MRPS10: variants seen among roughly 807,000 people sequenced by gnomAD.
The protein encoded by MRPS10 is mitochondrial ribosomal protein S10.
A neutral mutation model predicts 27.5 loss-of-function variants in MRPS10; 23 were observed. The ratio of observed to expected loss-of-function variants is 0.84; its 90% CI spans 0.60 to 1.18. The LOEUF is 1.18. Among genes scored for constraint, MRPS10 ranks in the 50% most tolerant of loss-of-function variants. The pLI is 0.00. For missense variants in MRPS10, 237 were observed against 240.1 expected, an observed-to-expected ratio of 0.99 and a Z score of 0.09; for synonymous variants, 88 against 84.2, an observed-to-expected ratio of 1.04 and a Z score of -0.25.
chr6:42,211,928 A>G lies in MRPS10; in HGVS notation c.187-11T>C. ...ATCAGAGATTGTTACCTAAAATCCA[A>G]AAGAAAAGTTTCAGTTTTAGTTCCT... On this transcript the variant is annotated splice_polypyrimidine_tract_variant and intron_variant, in intron 3 of 6. Transcript: ENST00000053468. 1 of 1,601,996 alleles carries G rather than the reference A, an allele frequency of 6.2e-7. No homozygotes were observed. Among genetic ancestry groups the G allele is most frequent in the Non-Finnish European group, 8.5e-7 (1 of 1,176,854 alleles).
At chr6:42,214,856 G>A (rs1443963574) in intron 1 of MRPS10, among the ~76,000 whole-genome samples, 1 of 152,094 alleles carries the variant, frequency 6.6e-6, no homozygotes, top group Non-Finnish European at 1.5e-5. Flanking sequence ...AGCTTATAAT[G>A]AACTGAAATA....
intron 4 of MRPS10, 36 bp from the exon 5 acceptor site, chr6:42,210,632 A>G: frequency 6.4e-7 from 1 of 1,563,594 alleles, no homozygotes; most frequent in Non-Finnish European, 8.7e-7. Context: ...CTGAGTCACT[A>G]TGATAACAAA....
intron 1 of MRPS10, among the ~76,000 whole-genome samples, chr6:42,215,359 C>CAAGAAAAAAAAAAAA (rs1768896006): frequency 1.4e-5 from 1 of 73,270 alleles, no homozygotes; most frequent in African/African-American, 5.7e-5. Context: ...GACTCCCTCT[C>CAAGAAAAAAAAAAAA]AAAAAAAAAA....
chr6:42,211,419 G>A (rs150485401), intron 4 of MRPS10, among the ~76,000 whole-genome samples: 557 of 151,632 alleles, frequency 3.7e-3, no homozygotes, highest in Non-Finnish European at 5.1e-3. Context: ...AGTGGCTCAC[G>A]CCTGTAATCC....
intron 3 of MRPS10, 87 bp from the exon 4 acceptor site, chr6:42,212,004 T>A (rs1448454098): frequency 2.4e-6 from 3 of 1,247,478 alleles, no homozygotes; most frequent in African/African-American, 3.0e-5. Flanking sequence ...TTGAACAACT[T>A]CAGAGTTTAC....
In MRPS10 at chr6:42,208,248, C is replaced by A; in HGVS notation, c.*41G>T. On this transcript the variant is annotated 3_prime_UTR_variant, in exon 7 of 7. Coordinates refer to ENST00000053468, the MANE Select transcript of MRPS10 (RefSeq NM_018141.4). ...CACTTAAACATACTCATCTGGCCCACCCTCATTTCAAATTTAGGCAAAAAT... is the reference window on the plus strand; with the variant it reads ...CACTTAAACATACTCATCTGGCCCAACCTCATTTCAAATTTAGGCAAAAAT... 1 of 1,436,310 alleles carries A rather than the reference C, an allele frequency of 7.0e-7. No homozygotes were observed. The highest frequency in any genetic ancestry group is 9.8e-7 in the Non-Finnish European group (1 of 1,021,544). The allele number at this position is 1,436,310 out of a possible 1,614,324, so 89.0% of individuals were successfully genotyped here.
At chr6:42,213,829 T>C (rs1768846988) in intron 3 of MRPS10, among the ~76,000 whole-genome samples, 1 of 152,226 alleles carries the variant, frequency 6.6e-6, no homozygotes, top group African/African-American at 2.4e-5. Context: ...AATCAAGTAT[T>C]CTACATCACA....
rs1286556005 is a variant in MRPS10, at chr6:42,208,633, G to A, written c.522+225C>T. 2.0e-5 allele frequency among the ~76,000 whole-genome samples: 3 copies of A among 152,244 alleles called. No individual in the cohort carries two copies. The East Asian group carries it at 5.8e-4, about 29-fold the overall frequency. ...GGTCTAGACAACTCATATTGAGGAG[G>A]GAGAACTTCATAGGTGGTTCACGGA... On this transcript the variant is annotated intron_variant, in intron 6 of 6. Coordinates refer to ENST00000053468, the MANE Select transcript of MRPS10 (RefSeq NM_018141.4).
chr6:42,213,969 G>A, intron 3 of MRPS10, 151 bp downstream of exon 3: 3 of 545,016 alleles, frequency 5.5e-6, no homozygotes, highest in Middle Eastern at 5.0e-4. Context: ...AATCCAGGGA[G>A]TTAAGAGAAT....
In MRPS10 at chr6:42,211,811, G is replaced by A; in HGVS notation, c.293C>T (p.Ala98Val). Residue 98 changes from alanine to valine, a missense_variant, in exon 4 of 7, where the codon GCT becomes GTT. Around this residue, in one of 3 missense-constraint regions of MRPS10, gnomAD observed 164 missense variants for 137.8 expected, o/e 1.19. Coordinates refer to ENST00000053468, the MANE Select transcript of MRPS10 (RefSeq NM_018141.4). ...AATAGAGATACCAAGTTCTTTAGCA[G>A]CAAGCACAGCAAAATATTCATAACT... is the stretch of plus-strand genomic sequence containing the variant. ...LDSYEYFAVL[A>V]AKELGISIKV... 1 of 1,613,848 alleles carries A rather than the reference G, an allele frequency of 6.2e-7. No individual in the cohort carries two copies. Among genetic ancestry groups the A allele is most frequent in the Non-Finnish European group, 8.5e-7 (1 of 1,179,940 alleles).
Position 42,207,599 on chromosome 6 carries a change from C to G in MRPS10, c.*690G>C, listed in dbSNP as rs1398882679. The G allele has an allele frequency of 6.6e-6, 1 of 152,158 alleles. No individual in the cohort carries two copies. Among genetic ancestry groups the G allele is most frequent in the African/African-American group, 2.4e-5 (1 of 41,434 alleles). 9.4% of individuals were successfully genotyped at this position (152,158 alleles called of 1,614,324 possible). A position where few individuals can be genotyped will look rare whatever the true frequency, so the allele number is the denominator to read the frequency against. On this transcript the variant is annotated 3_prime_UTR_variant, in exon 7 of 7. Transcript: ENST00000053468. The stretch of plus-strand genomic sequence containing the variant: ...TACAGTGCTGGATGTAAAGTTTATG[C>G]AGTAAAAGCTTATTGAATGAATGAA...
chr6:42,214,295 T>G lies in MRPS10; in HGVS notation c.98A>C (p.Asn33Thr). ...VNTSKGNTAK[N>T]GGLLLSTNMK... ...GTATACTTACAGAAGCAAGCCACCA[T>G]TTTTGGCTGTATTGCCCTTAGAAGT... The change falls in exon 2 of 7, where the codon AAT (asparagine) becomes ACT (threonine). Residue 33 changes from asparagine to threonine, a missense_variant. Physicochemically the swap from Asn to Thr is moderately conservative, Grantham distance 65. Coordinates refer to ENST00000053468, the MANE Select transcript of MRPS10 (RefSeq NM_018141.4). 1 of 1,612,684 alleles carries G rather than the reference T, an allele frequency of 6.2e-7. No homozygotes were observed. The highest frequency in any genetic ancestry group is 8.5e-7 in the Non-Finnish European group (1 of 1,179,102).
intron 4 of MRPS10, 93 bp from the exon 5 acceptor site, chr6:42,210,689 C>T: frequency 1.3e-6 from 2 of 1,485,770 alleles, no homozygotes; most frequent in Non-Finnish European, 9.0e-7. Flanking sequence ...CAATTATAGG[C>T]ATTAACTACC....
chr6:42,214,040 G>T, intron 3 of MRPS10, 80 bp downstream of exon 3: 1 of 1,242,712 alleles, frequency 8.0e-7, no homozygotes, highest in East Asian at 2.4e-5. Context: ...AGAGTGTTTG[G>T]GGAAAAAAAA....
At chr6:42,217,732 G>A in intron 1 of MRPS10, 70 bp downstream of exon 1, 1 of 1,523,566 alleles carries the variant, frequency 6.6e-7, no homozygotes, top group Non-Finnish European at 9.1e-7. Flanking sequence ...GGGCAGAGCG[G>A]CTGGTGGCAG....
chr6:42,208,481 C>T, intron 6 of MRPS10, 109 bp from the exon 7 acceptor site: 1 of 847,434 alleles, frequency 1.2e-6, no homozygotes, highest in South Asian at 1.7e-5. Context: ...TTCTTTTATC[C>T]CCCTAGTCTT....
chr6:42,210,405 T>C lies in MRPS10; in HGVS notation c.432+83A>G, dbSNP rs545069186. ...ACATGGGCTTGCTGAAAGAAGTCAA[T>C]CTAGTCAATGTTAAAGTAAAGTTAT... On this transcript the variant is annotated intron_variant, in intron 5 of 6. Transcript: ENST00000053468. The C allele has an allele frequency of 3.7e-3, 2,061 of 555,600 alleles. 87 individuals are homozygous for C. In the Admixed American group the frequency reaches 0.073, roughly 20 times the overall value. The allele number at this position is 555,600 out of a possible 1,614,324, so 34.4% of individuals were successfully genotyped here.
rs1768861099 is a variant in MRPS10 at position 42,214,312 on chromosome 6, C to T, written c.81G>A (p.Lys27=). The part of the protein sequence containing the change: ...GLGNFSVNTS[K]GNTAKNGGLL... ...AGCCACCATTTTTGGCTGTATTGCCCTTAGAAGTGTTTACAGAAAAATTCC... is the reference window on the plus strand; with the variant it reads ...AGCCACCATTTTTGGCTGTATTGCCTTTAGAAGTGTTTACAGAAAAATTCC... Residue 27 remains lysine (K), a synonymous_variant, in exon 2 of 7, where the codon AAG becomes AAA. Coordinates refer to ENST00000053468, the MANE Select transcript of MRPS10 (RefSeq NM_018141.4). 2 of 1,612,058 alleles carry T rather than the reference C, an allele frequency of 1.2e-6. No homozygotes were observed. Among genetic ancestry groups the T allele is most frequent in the Admixed American group, 3.3e-5 (2 of 59,780 alleles).
chr6:42,211,059 G>A (rs1452183267), intron 4 of MRPS10, among the ~76,000 whole-genome samples: 1 of 152,218 alleles, frequency 6.6e-6, no homozygotes. Context: ...GACTGCCAAA[G>A]CCCCAGATGG....
Sources: allele counts gnomAD v4.1 joint callset (sites outside exome capture counted in the v4.1 genomes callset), GRCh38; gene constraint gnomAD v4.1.1; regional missense constraint gnomAD v4.1.1; transcripts MANE v1.5; gene names NCBI Gene and HGNC (gene_info 2026-07-23, HGNC 2026-07-21).